Variants in ZNF618 observed in about 807,000 individuals in gnomAD.
ZNF618 encodes the protein neural precursor cell expressed, developmentally down-regulated 10.
ZNF618 carries 34 observed loss-of-function variants against 103.0 expected under a neutral mutation model. That is an observed-to-expected ratio of 0.33 (90% confidence interval 0.25 to 0.44). The LOEUF (loss-of-function observed/expected upper bound fraction) is 0.44. ZNF618 is among the 20% of genes least tolerant of loss of function. The probability of loss-of-function intolerance (pLI) is 1.00; values close to 1 mark genes in which losing one functional copy is unlikely to be tolerated. For missense variants in ZNF618, 1,059 were observed against 1,295.4 expected (o/e 0.82, Z 2.80); for synonymous variants, 551 against 542.2 (o/e 1.02, Z -0.23).
chr9:114,034,591 T>C (rs942645783), intron 12 of ZNF618, among the ~76,000 whole-genome samples: 4 of 152,208 alleles, frequency 2.6e-5, no homozygotes, highest in African/African-American at 9.6e-5. Flanking sequence ...AGTGGGAAAC[T>C]GAGGCTCAGG....
At chr9:113,962,198 T>G (rs78634556) in intron 1 of ZNF618, among the ~76,000 whole-genome samples, 1 of 152,330 alleles carries the variant, frequency 6.6e-6, no homozygotes, top group African/African-American at 2.4e-5. Flanking sequence ...CCATTTTTCT[T>G]GGTGCTAAGG....
At chr9:113,945,714 C>T (rs1247911958) in intron 1 of ZNF618, among the ~76,000 whole-genome samples, 1 of 152,184 alleles carries the variant, frequency 6.6e-6, no homozygotes, top group Non-Finnish European at 1.5e-5. Flanking sequence ...CTGTCCCTGC[C>T]TTGACTGGCT....
chr9:113,880,394 C>T (rs1828403566), intron 1 of ZNF618, among the ~76,000 whole-genome samples: 1 of 152,188 alleles, frequency 6.6e-6, no homozygotes, highest in South Asian at 2.1e-4. Flanking sequence ...GGGATCAGAT[C>T]AAGGATAATA....
intron 9 of ZNF618, among the ~76,000 whole-genome samples, chr9:114,009,741 C>T (rs1842070572): frequency 6.6e-6 from 1 of 152,064 alleles, no homozygotes; most frequent in Non-Finnish European, 1.5e-5. Flanking sequence ...GAAGGAAAAT[C>T]AGAGGAGCTG....
At chr9:113,957,319 C>CT (rs2132478034) in intron 1 of ZNF618, among the ~76,000 whole-genome samples, 1 of 152,278 alleles carries the variant, frequency 6.6e-6, no homozygotes, top group South Asian at 2.1e-4. Context: ...ATTTTTATCT[C>CT]TATTTTACAT....
At chr9:113,938,217 T>C (rs1258373959) in intron 1 of ZNF618, among the ~76,000 whole-genome samples, 1 of 140,832 alleles carries the variant, frequency 7.1e-6, no homozygotes, top group African/African-American at 2.6e-5. Flanking sequence ...TTGCCCAGGC[T>C]GGAGTGCAGT....
At chr9:114,002,429 G>A (rs1295349168) in intron 5 of ZNF618, among the ~76,000 whole-genome samples, 195 bp from the exon 6 acceptor site, 1 of 152,198 alleles carries the variant, frequency 6.6e-6, no homozygotes, top group Non-Finnish European at 1.5e-5. Context: ...TGACAAGCTT[G>A]GGAGTTGCAG....
rs971501044 is a variant in ZNF618, at chr9:113,876,421, G to A, written c.33+8G>A. On this transcript the variant is annotated splice_region_variant and intron_variant, in intron 1 of 14. Coordinates refer to ENST00000374126, the MANE Select transcript of ZNF618 (RefSeq NM_001318042.2). ...GGCGCGGCGGCTCCGCAGGTACGAC[G>A]GGGGGCCGGGGGCATGCACCGCGCG... is the stretch of plus-strand genomic sequence containing the variant. 3 of 1,201,040 alleles carry A rather than the reference G, an allele frequency of 2.5e-6. No individual in the cohort carries two copies. The highest frequency in any genetic ancestry group is 3.1e-6 in the Non-Finnish European group (3 of 968,094). The allele number at this position is 1,201,040 out of a possible 1,614,324, so 74.4% of individuals were successfully genotyped here.
At chr9:113,993,876 A>G (rs563765556) in intron 3 of ZNF618, among the ~76,000 whole-genome samples, 2 of 105,090 alleles carry the variant, frequency 1.9e-5, no homozygotes, top group South Asian at 6.9e-4. Flanking sequence ...GCCAATACGG[A>G]GAAGTCTCCA....
chr9:114,011,544 C>T (rs1436066453), intron 9 of ZNF618, among the ~76,000 whole-genome samples: 1 of 152,208 alleles, frequency 6.6e-6, no homozygotes, highest in East Asian at 1.9e-4. Flanking sequence ...CACTCAGGAG[C>T]TGCCTTGTGA....
In ZNF618 at chr9:114,028,718, G is replaced by A. The variant is rs1325137204; in HGVS notation, c.845-15G>A. The A allele has an allele frequency of 6.5e-7, 1 of 1,547,298 alleles. No individual in the cohort carries two copies. Among genetic ancestry groups the A allele is most frequent in the Admixed American group, 2.0e-5 (1 of 50,950 alleles). On this transcript the variant is annotated splice_polypyrimidine_tract_variant and intron_variant, in intron 10 of 14. Transcript: ENST00000374126. Reference sequence around the variant, plus strand: ...CTGGGAGGGCCCTCGGGGACTGAGAGCGTGACCCTCTCAGGTACTGCCCCC... The same window carrying A: ...CTGGGAGGGCCCTCGGGGACTGAGAACGTGACCCTCTCAGGTACTGCCCCC...
intron 1 of ZNF618, among the ~76,000 whole-genome samples, chr9:113,898,897 TG>T (rs1298253577): frequency 6.6e-6 from 1 of 152,188 alleles, no homozygotes; most frequent in African/African-American, 2.4e-5. Context: ...GGTAGGATTG[TG>T]GGGTGGGTTT....
chr9:113,986,765 G>C (rs1370050673), intron 2 of ZNF618, among the ~76,000 whole-genome samples: 3 of 152,162 alleles, frequency 2.0e-5, no homozygotes, highest in Non-Finnish European at 4.4e-5. Context: ...GCCTTCCTCT[G>C]TCCTCTCCTC....
intron 10 of ZNF618, among the ~76,000 whole-genome samples, chr9:114,017,382 A>G (rs1224136332): frequency 6.6e-6 from 1 of 152,152 alleles, no homozygotes; most frequent in African/African-American, 2.4e-5. Flanking sequence ...TGACTGGGAA[A>G]GGAAGGGGCT....
chr9:113,932,407 T>A (rs977040119), intron 1 of ZNF618, among the ~76,000 whole-genome samples: 8 of 151,916 alleles, frequency 5.3e-5, no homozygotes, highest in Non-Finnish European at 1.2e-4. Context: ...GTTGGAGGAT[T>A]TTATAAGGTT....
At chr9:113,894,054 T>C (rs1829836361) in intron 1 of ZNF618, among the ~76,000 whole-genome samples, 1 of 152,212 alleles carries the variant, frequency 6.6e-6, no homozygotes, top group Non-Finnish European at 1.5e-5. Flanking sequence ...TCCAAGATGA[T>C]TTTGTCAATT....
intron 1 of ZNF618, among the ~76,000 whole-genome samples, chr9:113,955,307 A>AC (rs2132429659): frequency 7.0e-6 from 1 of 142,998 alleles, no homozygotes; most frequent in South Asian, 2.3e-4. Flanking sequence ...TCCACACCCC[A>AC]CCCCCACACT....
intron 10 of ZNF618, among the ~76,000 whole-genome samples, chr9:114,023,468 C>G (rs975764031): frequency 1.6e-4 from 25 of 152,094 alleles, no homozygotes; most frequent in African/African-American, 6.0e-4. Flanking sequence ...GTTATAAACC[C>G]AACAATTACT....
intron 4 of ZNF618, among the ~76,000 whole-genome samples, chr9:114,000,695 T>C (rs1003767977): frequency 3.9e-5 from 6 of 152,146 alleles, no homozygotes; most frequent in Non-Finnish European, 8.8e-5. Context: ...GGGCCTCTGC[T>C]TCCAGGCAAG....
Sources: gnomAD v4.1 joint callset for allele counts (sites outside exome capture counted in the v4.1 genomes callset) on GRCh38, gnomAD v4.1.1 for gene constraint, MANE v1.5 for transcripts, NCBI Gene and HGNC (gene_info 2026-07-23, HGNC 2026-07-21) for gene names.